Variants in BTD observed in about 807,000 individuals in gnomAD.
BTD encodes biocytinase.
In BTD, 13 loss-of-function variants were observed where a neutral mutation model predicts 17.7. The ratio of observed to expected loss-of-function variants is 0.74; its 90% confidence interval spans 0.48 to 1.17. BTD has a LOEUF of 1.17. Among genes scored for constraint, BTD ranks in the 50% most tolerant of loss-of-function variants. The pLI is 0.00. For synonymous variants in BTD, 240 were observed against 245.2 expected (o/e 0.98, Z 0.20); for missense variants, 674 against 650.4 (o/e 1.04, Z -0.39).
chr3:15,701,786 T>C (rs1463042791), intron 3 of BTD, among the ~76,000 whole-genome samples: 3 of 152,168 alleles, frequency 2.0e-5, no homozygotes, highest in African/African-American at 4.8e-5. Context: ...TCTGAGGACA[T>C]GTCAGGAAAA....
In BTD at chr3:15,646,772, C is replaced by T. The variant is rs116674240; in HGVS notation, c.*1284C>T. The T allele has an allele frequency of 2.0e-5, 3 of 152,310 alleles. No homozygotes were observed. The highest frequency in any genetic ancestry group is 7.2e-5 in the African/African-American group (3 of 41,558). The allele number at this position is 152,310 out of a possible 1,614,324, so 9.4% of individuals were successfully genotyped here. A position where few individuals can be genotyped will look rare whatever the true frequency, so the allele number is the denominator to read the frequency against. The stretch of plus-strand genomic sequence containing the variant: ...TTATTTTAAACAGTATATGCTTAAA[C>T]ATCACACGATTTTATAAAGCAAGAA... On this transcript the variant is annotated 3_prime_UTR_variant, in exon 4 of 4. Coordinates refer to ENST00000643237, the MANE Select transcript of BTD (RefSeq NM_001370658.1).
intron 1 of BTD, among the ~76,000 whole-genome samples, chr3:15,612,962 G>A (rs2125361180): frequency 6.6e-6 from 1 of 152,298 alleles, no homozygotes; most frequent in South Asian, 2.1e-4. Flanking sequence ...AGTATTCATG[G>A]TGGCTTGCTT....
In BTD at chr3:15,678,466, A is replaced by G; in HGVS notation, c.400-31594A>G. 4 of 950,906 alleles carry G rather than the reference A, an allele frequency of 4.2e-6. No homozygotes were observed. In the South Asian group the frequency reaches 8.3e-5, roughly 20 times the overall value. 58.9% of individuals were successfully genotyped at this position (950,906 alleles called of 1,614,324 possible). A position where few individuals can be genotyped will look rare whatever the true frequency, so the allele number is the denominator to read the frequency against. On this transcript the variant is annotated intron_variant, in intron 3 of 3. Coordinates refer to the BTD transcript ENST00000672141. ...TTTAAGGGTTTACATATTAGGCTAC[A>G]AAAGCACTGCCTGTACACAAACAAA... is the stretch of plus-strand genomic sequence containing the variant.
chr3:15,685,526 A>G (rs1481091105), intron 3 of BTD: 1 of 1,249,320 alleles, frequency 8.0e-7, no homozygotes, highest in Non-Finnish European at 1.2e-6. Context: ...AAAACTTTAA[A>G]GACCATACTC....
chr3:15,709,721 T>A, intron 3 of BTD: 1 of 1,572,658 alleles, frequency 6.4e-7, no homozygotes, highest in Non-Finnish European at 8.6e-7. Context: ...GCAGAAGGTT[T>A]AGGCACTCCA....
chr3:15,634,358 G>A (rs1384834535), intron 1 of BTD, among the ~76,000 whole-genome samples: 2 of 152,156 alleles, frequency 1.3e-5, no homozygotes, highest in Non-Finnish European at 2.9e-5. Context: ...TCAGCCCCAG[G>A]ACATCTCCAT....
At chr3:15,609,879 C>T (rs1379286538) in intron 1 of BTD, among the ~76,000 whole-genome samples, 1 of 150,100 alleles carries the variant, frequency 6.7e-6, no homozygotes, top group Non-Finnish European at 1.5e-5. Flanking sequence ...ACTGGTCTTC[C>T]TTATTTTTTT....
At chr3:15,694,857 A>C (rs770255871) in intron 3 of BTD, 15 of 1,567,130 alleles carry the variant, frequency 9.6e-6, no homozygotes, top group Non-Finnish European at 1.1e-5. Context: ...GACATACTAC[A>C]GCAATTATTC....
intron 3 of BTD, among the ~76,000 whole-genome samples, chr3:15,693,097 G>A (rs1172585996): frequency 2.0e-5 from 3 of 152,166 alleles, no homozygotes; most frequent in Admixed American, 6.5e-5. Context: ...AGGGACTGGG[G>A]AAAGGAGAAA....
chr3:15,658,286 G>A (rs1233698463), downstream of BTD, among the ~76,000 whole-genome samples: 1 of 152,172 alleles, frequency 6.6e-6, no homozygotes, highest in Non-Finnish European at 1.5e-5. Context: ...GTTACAGATG[G>A]CACAGCTAAC....
intron 3 of BTD, among the ~76,000 whole-genome samples, chr3:15,680,417 G>T (rs987190059): frequency 2.6e-5 from 4 of 152,002 alleles, no homozygotes; most frequent in African/African-American, 9.7e-5. Flanking sequence ...ATGTTGGTCA[G>T]GCTGATCTCA....
intron 1 of BTD, among the ~76,000 whole-genome samples, chr3:15,629,762 C>G (rs566973778): frequency 6.6e-6 from 1 of 152,230 alleles, no homozygotes; most frequent in South Asian, 2.1e-4. Flanking sequence ...ACTAAATTGC[C>G]CTGGTTCTTC....
At chr3:15,643,202 A>G (rs899440104) in intron 3 of BTD, among the ~76,000 whole-genome samples, 1 of 152,206 alleles carries the variant, frequency 6.6e-6, no homozygotes, top group Admixed American at 6.5e-5. Context: ...TCAATGCAAG[A>G]TAGAATAATC....
chr3:15,670,387 C>G, intron 3 of BTD: 1 of 1,613,892 alleles, frequency 6.2e-7, no homozygotes, highest in Non-Finnish European at 8.5e-7. Context: ...TCATGATGGG[C>G]AAAGCTTCAA....
intron 3 of BTD, chr3:15,669,578 G>A (rs2066164488): frequency 6.6e-6 from 1 of 151,650 alleles, no homozygotes; most frequent in South Asian, 2.1e-4. Flanking sequence ...ATAAAAATTG[G>A]AAATTTGAAA....
rs372574369 is a variant in BTD at position 15,651,597 on chromosome 3, C to T, written c.*6109C>T. Among the ~76,000 whole-genome samples the T allele has an allele frequency of 1.1e-4, 17 of 152,324 alleles. 1 individual carries two copies. The South Asian group carries it at 2.5e-3, about 22-fold the overall frequency. On this transcript the variant is annotated 3_prime_UTR_variant, in exon 4 of 4. Transcript: ENST00000643237. ...CGTAGCGGTGTGACAGGCAGAGAGC[C>T]AGGCGATCCATATCCTGTCTCCTCT...
intron 3 of BTD, chr3:15,678,116 G>A: frequency 1.6e-6 from 2 of 1,250,716 alleles, no homozygotes; most frequent in South Asian, 1.6e-5. Flanking sequence ...GGAGTGGTAA[G>A]ATAACTAGTT....
At chr3:15,706,494 G>A (rs1289624072) in intron 3 of BTD, among the ~76,000 whole-genome samples, 6 of 152,138 alleles carry the variant, frequency 3.9e-5, no homozygotes, top group Non-Finnish European at 8.8e-5. Context: ...TATCATTGAT[G>A]GACATTTGGG....
chr3:15,678,482 C>A, intron 3 of BTD: 1 of 771,178 alleles, frequency 1.3e-6, no homozygotes. Flanking sequence ...ACTGCCTGTA[C>A]ACAAACAAAT....
Sources: gnomAD v4.1 joint callset for allele counts (sites outside exome capture counted in the v4.1 genomes callset) on GRCh38, gnomAD v4.1.1 for gene constraint, MANE v1.5 for transcripts, NCBI Gene and HGNC (gene_info 2026-07-23, HGNC 2026-07-21) for gene names.